HSD17B11: variants seen among roughly 807,000 people sequenced by gnomAD.
HSD17B11 encodes estradiol 17-beta-dehydrogenase 11.
Under a neutral mutation model 27.8 loss-of-function variants are expected in HSD17B11, and 22 were observed. That is an observed-to-expected ratio of 0.79 (90% confidence interval 0.56 to 1.13). The LOEUF is 1.13. Ranked by LOEUF, HSD17B11 falls within the 50% of genes most tolerant of loss-of-function variation. HSD17B11 has a pLI of 0.00. For synonymous variants in HSD17B11, 117 were observed against 132.8 expected (o/e 0.88, Z 0.82); for missense variants, 314 against 351.1 (o/e 0.89, Z 0.84).
rs1258041704 is a variant in HSD17B11 at position 87,372,722 on chromosome 4, A to C, written c.544T>G (p.Leu182Val). 2.5e-6 allele frequency: 4 copies of C among 1,607,672 alleles called. No individual in the cohort carries two copies. The highest frequency in any genetic ancestry group is 2.7e-5 in the African/African-American group (2 of 74,696). ...ATGTTCACATACCAGTAAGCCAGTAAGAAGGGGACCGAGACATGTCCAGCT... is the reference window on the plus strand; with the variant it reads ...ATGTTCACATACCAGTAAGCCAGTACGAAGGGGACCGAGACATGTCCAGCT... ...SAAGHVSVPFLLAYCSSKFAA... is the reference protein window; with the variant it reads ...SAAGHVSVPFVLAYCSSKFAA... Residue 182 changes from leucine (L) to valine (V), a missense_variant, in exon 4 of 7, where the codon TTA becomes GTA. Transcript: ENST00000358290.
At chr4:87,344,197 A>G (rs1735224691) in intron 5 of HSD17B11, among the ~76,000 whole-genome samples, 1 of 152,214 alleles carries the variant, frequency 6.6e-6, no homozygotes, top group South Asian at 2.1e-4. Context: ...GTACTAGTCA[A>G]TAAAACTAAT....
chr4:87,379,864 A>G (rs1328516467), intron 2 of HSD17B11, among the ~76,000 whole-genome samples: 1 of 77,214 alleles, frequency 1.3e-5, no homozygotes, highest in Non-Finnish European at 2.5e-5. Flanking sequence ...ATGTATATGT[A>G]TTATACTATT....
intron 6 of HSD17B11, among the ~76,000 whole-genome samples, chr4:87,338,574 T>A (rs1300933425): frequency 2.0e-5 from 3 of 152,198 alleles, no homozygotes; most frequent in Non-Finnish European, 4.4e-5. Context: ...CTTGCTCTGT[T>A]GCTCAAGATG....
chr4:87,384,314 C>T (rs1231119434), intron 1 of HSD17B11, among the ~76,000 whole-genome samples: 1 of 152,096 alleles, frequency 6.6e-6, no homozygotes, highest in Non-Finnish European at 1.5e-5. Context: ...ATTGTGTTAA[C>T]TGTACAAATT....
chr4:87,367,616 G>A (rs998667870), intron 4 of HSD17B11, among the ~76,000 whole-genome samples: 6 of 152,160 alleles, frequency 3.9e-5, no homozygotes, highest in Admixed American at 3.9e-4. Context: ...ATAAAAATGG[G>A]AAACTGGAGA....
intron 1 of HSD17B11, among the ~76,000 whole-genome samples, 198 bp from the exon 2 acceptor site, chr4:87,382,560 G>A (rs1720204877): frequency 6.6e-6 from 1 of 152,018 alleles, no homozygotes; most frequent in South Asian, 2.1e-4. Flanking sequence ...CTTTTATTTG[G>A]AGCTGAATTT....
At chr4:87,342,689 C>A (rs569063688) in intron 5 of HSD17B11, among the ~76,000 whole-genome samples, 5 of 152,170 alleles carry the variant, frequency 3.3e-5, no homozygotes, top group African/African-American at 1.2e-4. Flanking sequence ...ATTATTGGAT[C>A]CATGAAGGAG....
At chr4:87,342,448 T>G (rs1735187786) in intron 5 of HSD17B11, among the ~76,000 whole-genome samples, 1 of 149,674 alleles carries the variant, frequency 6.7e-6, no homozygotes, top group Admixed American at 6.6e-5. Context: ...GACTCACGCC[T>G]GTAATCTTAG....
chr4:87,381,049 ATGGTGCG>A (rs1230930069), intron 2 of HSD17B11, among the ~76,000 whole-genome samples: 1 of 145,322 alleles, frequency 6.9e-6, no homozygotes, highest in Non-Finnish European at 1.5e-5. Flanking sequence ...GCCCGGCATG[ATGGTGCG>A]TGCCTGTAAT....
In HSD17B11 at chr4:87,374,831, C is replaced by T; in HGVS notation, c.319-1G>A. ...TAACATCTCCAATTTCTGCCTTCAC[C>T]TTCAAAAAATAAAATAAGAAAAGTA... On this transcript the variant is annotated splice_acceptor_variant, in intron 2 of 6. Transcript: ENST00000358290. LOFTEE classifies it high-confidence loss of function. 6.4e-7 allele frequency: 1 copy of T among 1,559,600 alleles called. No homozygotes were observed. The highest frequency in any genetic ancestry group is 8.7e-7 in the Non-Finnish European group (1 of 1,151,462).
At chr4:87,354,484 A>T (rs1383114861) in intron 5 of HSD17B11, among the ~76,000 whole-genome samples, 1 of 151,520 alleles carries the variant, frequency 6.6e-6, no homozygotes, top group Non-Finnish European at 1.5e-5. Flanking sequence ...TCTACAAAAA[A>T]TTTAGAAATT....
intron 2 of HSD17B11, among the ~76,000 whole-genome samples, chr4:87,379,786 T>C (rs1720082205): frequency 1.8e-5 from 1 of 56,760 alleles, no homozygotes; most frequent in African/African-American, 4.9e-5. Context: ...AGTAATAGTA[T>C]ATTATAGTAT....
chr4:87,345,833 G>A (rs1302168456), intron 5 of HSD17B11, among the ~76,000 whole-genome samples: 3 of 152,056 alleles, frequency 2.0e-5, no homozygotes, highest in African/African-American at 4.8e-5. Context: ...GAGGAGCCCA[G>A]GACTAGATGG....
rs761819294 is a variant in HSD17B11, at chr4:87,357,285, C to T, written c.689G>A (p.Ser230Asn). 4.3e-6 allele frequency: 7 copies of T among 1,611,548 alleles called. No individual in the cohort carries two copies. In the South Asian group the frequency reaches 6.6e-5, roughly 15 times the overall value. ...TCTCAATTTCTCAACTTACCTTGTA[C>T]TTGGATTTTTGATGAAGCCAGTGTT... ...FVNTGFIKNP[S>N]TSLGPTLEPE... is the part of the protein sequence containing the mutation. The change falls in exon 5 of 7, where the codon AGT becomes AAT. Residue 230 changes from serine to asparagine, a missense_variant. By Grantham distance (46) the Ser-to-Asn change is conservative. Coordinates refer to ENST00000358290, the MANE Select transcript of HSD17B11 (RefSeq NM_016245.5).
intron 4 of HSD17B11, among the ~76,000 whole-genome samples, chr4:87,368,260 C>G (rs1219183548): frequency 1.3e-5 from 2 of 152,056 alleles, no homozygotes; most frequent in Admixed American, 1.3e-4. Flanking sequence ...GAGTTTGCAG[C>G]GAGCTGAGAT....
chr4:87,390,738 G>T, intron 1 of HSD17B11, 123 bp downstream of exon 1: 1 of 752,670 alleles, frequency 1.3e-6, no homozygotes. Flanking sequence ...CTGCAAAATG[G>T]CAATACTAAT....
chr4:87,361,878 A>G (rs367626869), intron 4 of HSD17B11, among the ~76,000 whole-genome samples: 2 of 152,318 alleles, frequency 1.3e-5, no homozygotes, highest in South Asian at 2.1e-4. Flanking sequence ...CTTTCTGGTA[A>G]CATCTTTCTG....
In HSD17B11 at chr4:87,388,166, CA is replaced by C. The variant is rs67885339; in HGVS notation, c.210+2694del. Among the ~76,000 whole-genome samples, 130 of 137,436 alleles carry C rather than the reference CA, an allele frequency of 9.5e-4. 1 individual carries two copies. The Middle Eastern group carries it at 0.015, about 16-fold the overall frequency. 90.2% of individuals were successfully genotyped at this position (137,436 alleles called of 152,430 possible). On this transcript the variant is annotated intron_variant, in intron 1 of 6. Transcript: ENST00000358290. ...ATTTTAATCTTTCTAGTAGTCACAC[CA>C]AAAAAAAAAAAAACAATCTAGTGGC...
At chr4:87,353,712 C>T (rs1037727111) in intron 5 of HSD17B11, among the ~76,000 whole-genome samples, 3 of 151,664 alleles carry the variant, frequency 2.0e-5, no homozygotes, top group Non-Finnish European at 4.4e-5. Flanking sequence ...ACGTTAAGGT[C>T]AGCTCTGTGC....
Sources: allele counts gnomAD v4.1 joint callset (sites outside exome capture counted in the v4.1 genomes callset), GRCh38; gene constraint gnomAD v4.1.1; transcripts MANE v1.5; gene names NCBI Gene and HGNC (gene_info 2026-07-23, HGNC 2026-07-21).